ALG1L2: variants seen among roughly 807,000 people sequenced by gnomAD.
ALG1L2 encodes ALG1 chitobiosyldiphosphodolichol beta-mannosyltransferase like 2.
ALG1L2 carries 32 observed loss-of-function variants against 29.0 expected under a neutral mutation model. That is an observed-to-expected ratio of 1.10 (90% CI 0.83 to 1.48). The LOEUF is 1.48. Ranked by LOEUF, ALG1L2 falls within the 40% of genes most tolerant of loss-of-function variation. The probability of loss-of-function intolerance (pLI) is 0.00; values close to 1 mark genes in which losing one functional copy is unlikely to be tolerated. For synonymous variants in ALG1L2, 110 were observed against 109.5 expected, an observed-to-expected ratio of 1.00 and a Z score of -0.03; for missense variants, 318 against 274.1, an observed-to-expected ratio of 1.16 and a Z score of -1.13.
At chr3:130,093,310 G>C (rs1010071969) in intron 4 of ALG1L2, 150 bp downstream of exon 4, 27 of 897,354 alleles carry the variant, frequency 3.0e-5, no homozygotes, top group Non-Finnish European at 3.6e-5. Flanking sequence ...TGACATGCGG[G>C]AAACTGAGGC....
chr3:130,091,820 G>C (rs376249404), intron 2 of ALG1L2: 22 of 655,406 alleles, frequency 3.4e-5, no homozygotes, highest in Non-Finnish European at 6.1e-5. Flanking sequence ...GTGGGAGGGC[G>C]TCCTAGCACC....
At chr3:130,092,947 T>C (rs1577328717) in intron 3 of ALG1L2, among the ~76,000 whole-genome samples, 154 bp from the exon 4 acceptor site, 1 of 149,716 alleles carries the variant, frequency 6.7e-6, no homozygotes, top group Admixed American at 6.7e-5. Context: ...CGAGAATTAC[T>C]TGAACCTGGG....
intron 6 of ALG1L2, among the ~76,000 whole-genome samples, chr3:130,096,955 G>A (rs576400105): frequency 6.6e-5 from 10 of 152,218 alleles, no homozygotes; most frequent in Non-Finnish European, 1.3e-4. Flanking sequence ...CCTTCCTTAA[G>A]GCTCTCTCCT....
intron 4 of ALG1L2, among the ~76,000 whole-genome samples, chr3:130,093,561 G>A (rs868864679): frequency 6.6e-6 from 1 of 151,778 alleles, no homozygotes; most frequent in South Asian, 2.1e-4. Flanking sequence ...AGAGTAGCTG[G>A]GACTAAAAGT....
chr3:130,083,171 T>G (rs1479402738), intron 1 of ALG1L2, among the ~76,000 whole-genome samples: 1 of 142,774 alleles, frequency 7.0e-6, no homozygotes, highest in Non-Finnish European at 1.6e-5. Flanking sequence ...AATGGCCAGG[T>G]GTGGTGCTTC....
chr3:130,091,785 G>A (rs1464351208), intron 2 of ALG1L2: 4 of 615,738 alleles, frequency 6.5e-6, no homozygotes, highest in Admixed American at 2.1e-5. Flanking sequence ...ACCCTGAGGT[G>A]TGCCCCTGGG....
At chr3:130,095,842 T>C (rs12107146) in intron 5 of ALG1L2, among the ~76,000 whole-genome samples, 1 of 152,162 alleles carries the variant, frequency 6.6e-6, no homozygotes, top group African/African-American at 2.4e-5. Context: ...AAATTGTGGT[T>C]ACGTAGAAAA....
intron 7 of ALG1L2, among the ~76,000 whole-genome samples, chr3:130,097,679 A>C (rs1271254798): frequency 6.6e-6 from 1 of 152,226 alleles, no homozygotes; most frequent in Non-Finnish European, 1.5e-5. Flanking sequence ...GAGGATTTTC[A>C]GTAAAGGTCC....
At chr3:130,096,834 G>C (rs1364392899) in intron 6 of ALG1L2, among the ~76,000 whole-genome samples, 3 of 152,186 alleles carry the variant, frequency 2.0e-5, no homozygotes, top group Non-Finnish European at 4.4e-5. Context: ...TTTATGTGCT[G>C]AACCAGTCCC....
rs73210757 is a variant in ALG1L2, at chr3:130,092,174, C to A, written c.205C>A (p.Arg69Ser). 4.3e-6 allele frequency: 7 copies of A among 1,612,918 alleles called. No homozygotes were observed. In the South Asian group the frequency reaches 7.7e-5, roughly 18 times the overall value. ...GGATTCTGGGAGCGGGCTGGTGACG[C>A]GTCTCCACGAGCGGCCAGCCCTGCT... is the stretch of plus-strand genomic sequence containing the variant. The part of the protein sequence containing the change: ...ERDSGSGLVT[R>S]LHERPALLVS... Residue 69 changes from arginine to serine, a missense_variant, in exon 3 of 8, where the codon CGT (arginine) becomes AGT (serine). Transcript: ENST00000425059.
At chr3:130,086,121 G>A (rs1193696101) in intron 1 of ALG1L2, among the ~76,000 whole-genome samples, 1 of 151,458 alleles carries the variant, frequency 6.6e-6, no homozygotes, top group Non-Finnish European at 1.5e-5. Context: ...CATACGCACA[G>A]GAGGCAAACC....
At chr3:130,082,802 A>G (rs1264137343) in intron 1 of ALG1L2, among the ~76,000 whole-genome samples, 1 of 146,836 alleles carries the variant, frequency 6.8e-6, no homozygotes, top group East Asian at 2.0e-4. Flanking sequence ...AGTGCATGGG[A>G]GCCCAGCAAG....
chr3:130,092,709 C>T (rs1935043707), intron 3 of ALG1L2, among the ~76,000 whole-genome samples: 1 of 152,170 alleles, frequency 6.6e-6, no homozygotes, highest in East Asian at 1.9e-4. Context: ...TCCACCTGAC[C>T]AGGGGACTCT....
At chr3:130,087,713 T>C (rs74646221) in intron 1 of ALG1L2, among the ~76,000 whole-genome samples, 102 of 115,528 alleles carry the variant, frequency 8.8e-4, no homozygotes, top group Middle Eastern at 5.5e-3. Flanking sequence ...TTGTACTATT[T>C]TTGCAACACT....
chr3:130,085,090 C>T (rs1264906031), intron 1 of ALG1L2, among the ~76,000 whole-genome samples: 3 of 128,494 alleles, frequency 2.3e-5, no homozygotes, highest in Admixed American at 8.4e-5. Flanking sequence ...TCCCGAGTAG[C>T]TGGGATTACA....
At chr3:130,095,353 T>C (rs1213692077) in intron 5 of ALG1L2, among the ~76,000 whole-genome samples, 1 of 151,880 alleles carries the variant, frequency 6.6e-6, no homozygotes, top group Non-Finnish European at 1.5e-5. Flanking sequence ...TAGAAATGTT[T>C]AGCTATTTGG....
chr3:130,088,825 C>T (rs1485067003), intron 1 of ALG1L2, among the ~76,000 whole-genome samples: 2 of 152,302 alleles, frequency 1.3e-5, no homozygotes, highest in Admixed American at 6.5e-5. Flanking sequence ...ATCATGAGGC[C>T]TCCCCAGTCA....
Position 130,098,215 on chromosome 3 carries a change from C to T in ALG1L2, c.616-8C>T, listed in dbSNP as rs1356769220. On this transcript the variant is annotated splice_polypyrimidine_tract_variant and splice_region_variant and intron_variant, in intron 7 of 7. Transcript: ENST00000425059. ...GGGACAGGCAATGAGGTAAGCTCTG[C>T]TCTTCAGTATTTTGCAGATGCTTTT... 1 of 1,596,428 alleles carries T rather than the reference C, an allele frequency of 6.3e-7. No individual in the cohort carries two copies. Among genetic ancestry groups the T allele is most frequent in the East Asian group, 2.2e-5 (1 of 44,880 alleles).
intron 5 of ALG1L2, 108 bp from the exon 6 acceptor site, chr3:130,095,941 C>T: frequency 1.6e-6 from 2 of 1,218,382 alleles, no homozygotes; most frequent in African/African-American, 3.0e-5. Context: ...TGTCGGGGGC[C>T]TTATCCAATT....
Sources: allele counts gnomAD v4.1 joint callset (sites outside exome capture counted in the v4.1 genomes callset), GRCh38; gene constraint gnomAD v4.1.1; transcripts MANE v1.5; gene names NCBI Gene and HGNC (gene_info 2026-07-23, HGNC 2026-07-21).